Variants in SCUBE2 observed in about 807,000 individuals in gnomAD.
The protein encoded by SCUBE2 is signal peptide, CUB domain and EGF like domain containing 2, also known as signal peptide, CUB and EGF-like domain-containing protein 2.
Under a neutral mutation model 125.9 loss-of-function variants are expected in SCUBE2, and 114 were observed. The observed-to-expected ratio is 0.91, with a 90% CI of 0.78 to 1.06. The LOEUF (loss-of-function observed/expected upper bound fraction) is 1.06, where lower values mean the gene tolerates loss of function less well. Ranked by LOEUF, SCUBE2 falls within the 50% of genes least tolerant of loss-of-function variation. The probability of loss-of-function intolerance (pLI) is 0.00; values close to 1 mark genes in which losing one functional copy is unlikely to be tolerated. For synonymous variants in SCUBE2, 459 were observed against 492.9 expected, an observed-to-expected ratio of 0.93 and a Z score of 0.91; for missense variants, 1,255 against 1,301.8, an observed-to-expected ratio of 0.96 and a Z score of 0.55.
intron 16 of SCUBE2, among the ~76,000 whole-genome samples, chr11:9,039,492 G>C (rs1857016182): frequency 6.6e-6 from 1 of 152,118 alleles, no homozygotes; most frequent in Non-Finnish European, 1.5e-5. Context: ...GCTTTGTTTG[G>C]AAACACTGAG....
At chr11:9,048,639 C>T (rs1255229565) in intron 14 of SCUBE2, among the ~76,000 whole-genome samples, 1 of 152,136 alleles carries the variant, frequency 6.6e-6, no homozygotes, top group African/African-American at 2.4e-5. Context: ...ATAAATGGTA[C>T]AAAGCATCAA....
chr11:9,026,625 A>G (rs1478573847), intron 20 of SCUBE2: 1 of 150,648 alleles, frequency 6.6e-6, no homozygotes, highest in Admixed American at 6.6e-5. Context: ...AAAAAAAAAA[A>G]TGTATAGAGA....
At position 9,024,257 on chromosome 11, in the gene SCUBE2, T is replaced by G; in HGVS notation, c.2854+1445A>C. ...AAGTCTCAGTGTCTTTTTGCTTTCT[T>G]CCTGATTCCAGATAGGAGAGGTTGC... On this transcript the variant is annotated intron_variant, in intron 21 of 22. Coordinates refer to ENST00000649792, the MANE Select transcript of SCUBE2 (RefSeq NM_001367977.2). 3.7e-6 allele frequency: 4 copies of G among 1,074,680 alleles called. No homozygotes were observed. The South Asian group carries it at 1.1e-4, about 31-fold the overall frequency. 66.6% of individuals were successfully genotyped at this position (1,074,680 alleles called of 1,614,324 possible).
At chr11:9,040,021 G>A (rs931824373) in intron 16 of SCUBE2, among the ~76,000 whole-genome samples, 3 of 152,156 alleles carry the variant, frequency 2.0e-5, no homozygotes, top group Non-Finnish European at 2.9e-5. Context: ...GTCCGTGGGC[G>A]CATCTTCTGC....
intron 15 of SCUBE2, 86 bp downstream of exon 15, chr11:9,047,857 C>T: frequency 6.9e-7 from 1 of 1,442,094 alleles, no homozygotes; most frequent in Non-Finnish European, 9.4e-7. Context: ...CATTACTTTT[C>T]CCCCAAGAAT....
At position 9,027,450 on chromosome 11, in the gene SCUBE2, G is replaced by T. The variant is rs3751059; in HGVS notation, c.2615C>A (p.Pro872His). Residue 872 changes from proline (P) to histidine (H), a missense_variant, in exon 20 of 23, where the codon CCC becomes CAC. By Grantham distance (77) the Pro-to-His change is moderately conservative. This residue lies in a region of SCUBE2 where 515 missense variants were observed against 515.7 expected (regional missense o/e 1.00). Transcript: ENST00000649792. ...GACCACGATCAGGATGCGGCGCTTG[G>T]GGGGTGGGTTGATGGTCCACGTACA... ...TECTWTINPP[P>H]KRRILIVVPE... The T allele has an allele frequency of 4.5e-5, 72 of 1,613,964 alleles. No homozygotes were observed. The highest frequency in any genetic ancestry group is 5.6e-5 in the Non-Finnish European group (66 of 1,180,024).
intron 2 of SCUBE2, among the ~76,000 whole-genome samples, chr11:9,088,456 G>A (rs941780369): frequency 1.4e-4 from 21 of 152,196 alleles, no homozygotes; most frequent in African/African-American, 4.1e-4. Context: ...AGCTGAGATC[G>A]CGCCATTGCA....
At chr11:9,064,006 T>A (rs1026782323) in intron 7 of SCUBE2, among the ~76,000 whole-genome samples, 1 of 152,194 alleles carries the variant, frequency 6.6e-6, no homozygotes, top group African/African-American at 2.4e-5. Flanking sequence ...AAAGTCAGAA[T>A]AATGTAAGCA....
chr11:9,072,975 T>A (rs1400986051), intron 4 of SCUBE2, among the ~76,000 whole-genome samples: 2 of 152,112 alleles, frequency 1.3e-5, no homozygotes, highest in African/African-American at 4.8e-5. Flanking sequence ...TAAGAGGTGA[T>A]CTTAATCGCT....
rs1481220048 is a variant in SCUBE2, at chr11:9,079,004, CA to C, written c.382+379del. ...TCTAGCTGGCTGTAACCCCAGCACA[CA>C]TTTGGAGTCTTCAGGACAAGGAGTT... is the stretch of plus-strand genomic sequence containing the variant. On this transcript the variant is annotated intron_variant, in intron 3 of 22. Coordinates refer to ENST00000649792, the MANE Select transcript of SCUBE2 (RefSeq NM_001367977.2). Among the ~76,000 whole-genome samples the C allele has an allele frequency of 2.0e-5, 3 of 152,002 alleles. 1 individual carries two copies. The highest frequency in any genetic ancestry group is 7.3e-5 in the African/African-American group (3 of 41,366).
Position 9,047,382 on chromosome 11 carries a change from C to A in SCUBE2, c.1976G>T (p.Gly659Val), listed in dbSNP as rs769504979. Residue 659 changes from glycine (G) to valine (V), a missense_variant, in exon 16 of 23, where the codon GGC becomes GTC. Around this residue, in one of 3 missense-constraint regions of SCUBE2, gnomAD observed 515 missense variants for 515.7 expected, o/e 1.00. Coordinates refer to ENST00000649792, the MANE Select transcript of SCUBE2 (RefSeq NM_001367977.2). ...SERQAESCGV[G>V]QGHAENQCVS... ...ACATTGGTTTTCTGCATGACCCTGG[C>A]CCACTCCACAGGACTCTGCCTGGCG... 1.2e-6 allele frequency: 2 copies of A among 1,614,170 alleles called. No homozygotes were observed. The highest frequency in any genetic ancestry group is 1.1e-5 in the South Asian group (1 of 91,082).
intron 9 of SCUBE2, among the ~76,000 whole-genome samples, chr11:9,058,190 C>T (rs1292507319): frequency 1.3e-5 from 2 of 152,122 alleles, no homozygotes; most frequent in Non-Finnish European, 2.9e-5. Context: ...GGGCCAGGTG[C>T]GGTGGCCCAC....
At position 9,027,410 on chromosome 11, in the gene SCUBE2, C is replaced by T; in HGVS notation, c.2655G>A (p.Leu885=). ...AGTCCCCACAGTCGTCCTCTATGGG[C>T]AGGAAGATCTCAGGGACCACGATCA... is the stretch of plus-strand genomic sequence containing the variant. ...RILIVVPEIF[L]PIEDDCGDYL... The change falls in exon 20 of 23, where the codon CTG becomes CTA. Residue 885 remains leucine, a synonymous_variant. Coordinates refer to ENST00000649792, the MANE Select transcript of SCUBE2 (RefSeq NM_001367977.2). The T allele has an allele frequency of 6.2e-7, 1 of 1,613,978 alleles. No homozygotes were observed. Among genetic ancestry groups the T allele is most frequent in the Non-Finnish European group, 8.5e-7 (1 of 1,180,000 alleles).
intron 20 of SCUBE2, chr11:9,026,128 G>A: frequency 3.4e-6 from 1 of 293,754 alleles, no homozygotes; most frequent in East Asian, 6.3e-5. Flanking sequence ...GCTGGGTGAG[G>A]GCCTCCCATT....
chr11:9,054,699 G>A (rs1236953344), intron 10 of SCUBE2, among the ~76,000 whole-genome samples: 636 of 44,424 alleles, frequency 0.014, 4 homozygotes, highest in Middle Eastern at 0.035. Flanking sequence ...CAAAGCACTA[G>A]TGTATATATA....
At chr11:9,085,662 G>C (rs1861994589) in intron 2 of SCUBE2, among the ~76,000 whole-genome samples, 1 of 151,984 alleles carries the variant, frequency 6.6e-6, no homozygotes, top group Non-Finnish European at 1.5e-5. Context: ...GGAGGCGGAG[G>C]TTGCAATAAG....
At chr11:9,061,608 A>C (rs570308805) in intron 7 of SCUBE2, among the ~76,000 whole-genome samples, 1 of 152,152 alleles carries the variant, frequency 6.6e-6, no homozygotes, top group Non-Finnish European at 1.5e-5. Flanking sequence ...AAAGGGAACA[A>C]GCTTAATCCT....
intron 4 of SCUBE2, among the ~76,000 whole-genome samples, chr11:9,073,561 G>A (rs1472236864): frequency 6.6e-6 from 1 of 152,160 alleles, no homozygotes; most frequent in African/African-American, 2.4e-5. Context: ...CTATAAATTT[G>A]TGATTAAATA....
intron 6 of SCUBE2, 63 bp downstream of exon 6, chr11:9,066,634 G>T: frequency 5.4e-6 from 7 of 1,297,496 alleles, no homozygotes; most frequent in Non-Finnish European, 7.8e-6. Flanking sequence ...CACCATTAAG[G>T]GGTAGGGGTA....
Sources: gnomAD v4.1 joint callset for allele counts (sites outside exome capture counted in the v4.1 genomes callset) on GRCh38, gnomAD v4.1.1 for gene constraint, gnomAD v4.1.1 regional missense constraint, MANE v1.5 for transcripts, NCBI Gene and HGNC (gene_info 2026-07-23, HGNC 2026-07-21) for gene names.